Variants in CRISPLD2 observed in about 807,000 individuals in gnomAD.
CRISPLD2 encodes cysteine rich secretory protein LCCL domain containing 2, also known as cysteine-rich secretory protein LCCL domain-containing 2.
Under a neutral mutation model 71.1 loss-of-function variants are expected in CRISPLD2, and 47 were observed. The observed-to-expected ratio is 0.66, with a 90% confidence interval of 0.52 to 0.84. The LOEUF is 0.84. Among genes scored for constraint, CRISPLD2 ranks in the 40% least tolerant of loss-of-function variants. The pLI, the probability that CRISPLD2 is intolerant of heterozygous loss-of-function variation, is 0.00. For missense variants in CRISPLD2, 830 were observed against 651.1 expected, an observed-to-expected ratio of 1.27 and a Z score of -2.99; for synonymous variants, 317 against 250.1, an observed-to-expected ratio of 1.27 and a Z score of -2.52.
intron 4 of CRISPLD2, 30 bp downstream of exon 4, chr16:84,849,547 C>T: frequency 1.2e-6 from 2 of 1,607,358 alleles, no homozygotes; most frequent in Non-Finnish European, 1.7e-6. Flanking sequence ...CGACCTCAGC[C>T]CTGCCCCCCA....
chr16:84,848,437 A>C (rs1042024753), intron 3 of CRISPLD2, among the ~76,000 whole-genome samples: 1 of 147,924 alleles, frequency 6.8e-6, no homozygotes, highest in Admixed American at 6.9e-5. Context: ...ACTTGCCTCC[A>C]GTTTGGTTTT....
At chr16:84,873,214 T>C (rs2934490) in intron 10 of CRISPLD2, 92 bp downstream of exon 10, 573,461 of 1,468,430 alleles carry the variant, frequency 0.39, 115,198 homozygotes, top group East Asian at 0.61. Flanking sequence ...AGGCCGGGCG[T>C]GGTGGCTCAC....
intron 14 of CRISPLD2, among the ~76,000 whole-genome samples, chr16:84,901,013 GCA>G (rs3222775): frequency 0.36 from 50,444 of 139,784 alleles, 9,655 homozygotes; most frequent in South Asian, 0.48. Flanking sequence ...TGGTGTCACT[GCA>G]CACACACACA....
intron 14 of CRISPLD2, among the ~76,000 whole-genome samples, chr16:84,901,946 A>G (rs972217084): frequency 6.6e-6 from 1 of 151,122 alleles, no homozygotes; most frequent in Non-Finnish European, 1.5e-5. Flanking sequence ...GGCACCTGCT[A>G]CCACACCCAG....
intron 14 of CRISPLD2, among the ~76,000 whole-genome samples, chr16:84,900,431 TATACTC>T (rs553325862): frequency 2.6e-5 from 4 of 152,220 alleles, no homozygotes; most frequent in East Asian, 1.9e-4. Context: ...CTGTTAATCT[TATACTC>T]AAACTCCTTC....
chr16:84,849,876 C>G (rs1169442102), intron 4 of CRISPLD2, among the ~76,000 whole-genome samples: 6 of 145,316 alleles, frequency 4.1e-5, no homozygotes, highest in African/African-American at 1.5e-4. Flanking sequence ...CACTACGAGG[C>G]CTGGCTAATT....
chr16:84,841,533 G>A (rs1916770158), intron 2 of CRISPLD2, among the ~76,000 whole-genome samples: 1 of 150,728 alleles, frequency 6.6e-6, no homozygotes, highest in African/African-American at 2.5e-5. Flanking sequence ...TGCTGAAATG[G>A]GGGTAAAAAA....
intron 8 of CRISPLD2, among the ~76,000 whole-genome samples, chr16:84,872,021 A>C (rs901011590): frequency 1.3e-5 from 2 of 152,218 alleles, no homozygotes; most frequent in African/African-American, 4.8e-5. Flanking sequence ...ACAGTATAAT[A>C]ATAAAAAACT....
At chr16:84,877,720 G>A (rs2071532425) in intron 12 of CRISPLD2, among the ~76,000 whole-genome samples, 2 of 152,000 alleles carry the variant, frequency 1.3e-5, no homozygotes, top group African/African-American at 4.8e-5. Context: ...CATGGCGGTG[G>A]GTGCCTGTAA....
rs1425958340 is a variant in CRISPLD2 at position 84,872,481 on chromosome 16, G to C, written c.954G>C (p.Lys318Asn). The change falls in exon 9 of 15, where the codon AAG becomes AAC. Residue 318 changes from lysine (K) to asparagine (N), a missense_variant. Coordinates refer to ENST00000262424, the MANE Select transcript of CRISPLD2 (RefSeq NM_031476.4). ...CPAGCLNHKA[K>N]IFGTLFYESS... Reference sequence around the variant, plus strand: ...CAGGCTGCCTGAACCACAAGGCGAAGATCTTTGGAACTCTGTTCTATGAAA... The same window carrying C: ...CAGGCTGCCTGAACCACAAGGCGAACATCTTTGGAACTCTGTTCTATGAAA... The C allele has an allele frequency of 6.2e-7, 1 of 1,614,028 alleles. No homozygotes were observed. The highest frequency in any genetic ancestry group is 8.5e-7 in the Non-Finnish European group (1 of 1,179,942).
At chr16:84,903,422 T>C (rs1394144941) in intron 14 of CRISPLD2, among the ~76,000 whole-genome samples, 1 of 152,016 alleles carries the variant, frequency 6.6e-6, no homozygotes, top group Non-Finnish European at 1.5e-5. Context: ...TGACACCCCA[T>C]CTCTACAAAA....
intron 2 of CRISPLD2, chr16:84,839,157 G>C (rs1916706436): frequency 1.4e-5 from 5 of 356,642 alleles, no homozygotes; most frequent in South Asian, 1.1e-4. Flanking sequence ...AAAGTGCTAG[G>C]ATTATAGGCA....
chr16:84,862,694 T>A (rs1388316165), intron 6 of CRISPLD2, among the ~76,000 whole-genome samples: 1 of 148,356 alleles, frequency 6.7e-6, no homozygotes, highest in Non-Finnish European at 1.5e-5. Context: ...TTTTTTTTTT[T>A]AACGTGGCTC....
chr16:84,839,458 T>C (rs1916714341), intron 2 of CRISPLD2: 1 of 164,860 alleles, frequency 6.1e-6, no homozygotes, highest in South Asian at 1.6e-4. Context: ...GTGGTTGCCA[T>C]GACTGTGAGA....
chr16:84,904,401 T>A (rs1597489836), intron 14 of CRISPLD2, among the ~76,000 whole-genome samples: 1 of 151,946 alleles, frequency 6.6e-6, no homozygotes, highest in African/African-American at 2.4e-5. Context: ...CTGGCCAACA[T>A]GGCAAAACCC....
chr16:84,893,153 A>G (rs976271440), intron 14 of CRISPLD2, among the ~76,000 whole-genome samples: 3 of 152,006 alleles, frequency 2.0e-5, no homozygotes. Flanking sequence ...TGCACTGGGG[A>G]CACTGCTCCC....
Position 84,873,944 on chromosome 16 carries a change from C to G in CRISPLD2, c.1137C>G (p.Phe379Leu), listed in dbSNP as rs769176721. 2 of 1,492,794 alleles carry G rather than the reference C, an allele frequency of 1.3e-6. No individual in the cohort carries two copies. The highest frequency in any genetic ancestry group is 1.8e-6 in the Non-Finnish European group (2 of 1,095,212). 92.5% of individuals were successfully genotyped at this position (1,492,794 alleles called of 1,614,324 possible). Residue 379 changes from phenylalanine (F) to leucine (L), a missense_variant, in exon 11 of 15, where the codon TTC becomes TTG. Coordinates refer to ENST00000262424, the MANE Select transcript of CRISPLD2 (RefSeq NM_031476.4). ...SLSKYKPSSS[F>L]MVSKVKVQDL... Reference sequence around the variant, plus strand: ...GCAAATACAAACCTTCCAGCTCATTCATGGTGTCAAAAGTGAAAGGTAAGC... The same window carrying G: ...GCAAATACAAACCTTCCAGCTCATTGATGGTGTCAAAAGTGAAAGGTAAGC...
intron 2 of CRISPLD2, among the ~76,000 whole-genome samples, chr16:84,841,137 C>T (rs899796117): frequency 1.6e-4 from 25 of 152,108 alleles, no homozygotes; most frequent in Non-Finnish European, 5.9e-5. Flanking sequence ...TGAAGAAATA[C>T]GGGGAGCTGC....
chr16:84,873,957 G>C lies in CRISPLD2; in HGVS notation c.1150G>C (p.Val384Leu), dbSNP rs983454189. 1.9e-6 allele frequency: 3 copies of C among 1,577,030 alleles called. No homozygotes were observed. Among genetic ancestry groups the C allele is most frequent in the Non-Finnish European group, 2.6e-6 (3 of 1,159,310 alleles). Residue 384 changes from valine (V) to leucine (L), a missense_variant, in exon 11 of 15, where the codon GTG becomes CTG. Coordinates refer to ENST00000262424, the MANE Select transcript of CRISPLD2 (RefSeq NM_031476.4). ...KPSSSFMVSK[V>L]KVQDLDCYTT... is the part of the protein sequence containing the mutation. ...TTCCAGCTCATTCATGGTGTCAAAA[G>C]TGAAAGGTAAGCTAGCCAGTCTCTT... is the stretch of plus-strand genomic sequence containing the variant.
Sources: gnomAD v4.1 joint callset for allele counts (sites outside exome capture counted in the v4.1 genomes callset) on GRCh38, gnomAD v4.1.1 for gene constraint, MANE v1.5 for transcripts, NCBI Gene and HGNC (gene_info 2026-07-23, HGNC 2026-07-21) for gene names.